The following CTNNA2 variants were observed in gnomAD, a reference collection of about 807,000 sequenced individuals.
CTNNA2 encodes catenin alpha-2.
CTNNA2 carries 42 observed loss-of-function variants against 101.0 expected under a neutral mutation model. That is an observed-to-expected ratio of 0.42 (90% CI 0.32 to 0.54). The LOEUF (loss-of-function observed/expected upper bound fraction) is 0.54. Ranked by LOEUF, CTNNA2 falls within the 20% of genes least tolerant of loss-of-function variation. The pLI, the probability that CTNNA2 is intolerant of heterozygous loss-of-function variation, is 0.14. For missense variants in CTNNA2, 871 were observed against 1,223.1 expected (o/e 0.71, Z 4.29); for synonymous variants, 450 against 456.4 (o/e 0.99, Z 0.18).
chr2:80,205,681 A>T (rs1427813801), intron 7 of CTNNA2, among the ~76,000 whole-genome samples: 1 of 152,192 alleles, frequency 6.6e-6, no homozygotes, highest in Non-Finnish European at 1.5e-5. Flanking sequence ...TTTGGTGTTA[A>T]CTTACTGCCT....
At chr2:79,528,592 C>A (rs1379900398) in intron 1 of CTNNA2, among the ~76,000 whole-genome samples, 2 of 151,986 alleles carry the variant, frequency 1.3e-5, no homozygotes, top group African/African-American at 4.8e-5. Context: ...GCAAACAAAT[C>A]AAATAATTAT....
At chr2:79,663,730 G>C (rs1244682219) in intron 2 of CTNNA2, among the ~76,000 whole-genome samples, 1 of 152,070 alleles carries the variant, frequency 6.6e-6, no homozygotes, top group Non-Finnish European at 1.5e-5. Context: ...GTATTAATGT[G>C]TATTTGTGTG....
intron 2 of CTNNA2, among the ~76,000 whole-genome samples, chr2:79,241,671 A>G (rs758033236): frequency 1.4e-4 from 21 of 152,222 alleles, no homozygotes; most frequent in Non-Finnish European, 1.6e-4. Flanking sequence ...ATATTTAAAA[A>G]GTTTCTATCC....
intron 7 of CTNNA2, among the ~76,000 whole-genome samples, chr2:80,198,291 T>C (rs1207235110): frequency 1.3e-5 from 2 of 152,154 alleles, no homozygotes; most frequent in Non-Finnish European, 2.9e-5. Context: ...GTTTGAGGTC[T>C]TTGCTCTTTC....
intron 1 of CTNNA2, among the ~76,000 whole-genome samples, chr2:79,594,750 A>G (rs73938733): frequency 0.066 from 10,005 of 152,034 alleles, 1,101 homozygotes; most frequent in African/African-American, 0.22. Context: ...TTTTTTATAT[A>G]TATCTTTAAT....
chr2:80,417,122 G>A (rs1680109582), intron 8 of CTNNA2, among the ~76,000 whole-genome samples: 2 of 151,664 alleles, frequency 1.3e-5, no homozygotes, highest in South Asian at 4.2e-4. Context: ...CAGATTGTAG[G>A]TTATTTGTTT....
intron 1 of CTNNA2, among the ~76,000 whole-genome samples, chr2:79,559,255 A>T (rs1408643292): frequency 6.6e-6 from 1 of 151,914 alleles, no homozygotes; most frequent in African/African-American, 2.4e-5. Flanking sequence ...CTTTCCTGGT[A>T]TGTGCCATTG....
intron 2 of CTNNA2, among the ~76,000 whole-genome samples, chr2:79,684,588 A>T (rs945989070): frequency 6.6e-6 from 1 of 152,228 alleles, no homozygotes. Flanking sequence ...TGTTCAATAT[A>T]TAAATCAAGA....
chr2:79,669,503 G>T (rs964202355), intron 2 of CTNNA2, among the ~76,000 whole-genome samples: 6 of 152,118 alleles, frequency 3.9e-5, no homozygotes, highest in Non-Finnish European at 4.4e-5. Context: ...GTGAAGAAGA[G>T]GTTTATTTAG....
intron 7 of CTNNA2, among the ~76,000 whole-genome samples, chr2:80,105,494 CAGA>C (rs947347066): frequency 2.6e-5 from 4 of 152,136 alleles, no homozygotes; most frequent in African/African-American, 9.7e-5. Flanking sequence ...GAGGCTGTGG[CAGA>C]AGGATTGCTT....
At chr2:79,928,881 A>C (rs1448416078) in intron 7 of CTNNA2, among the ~76,000 whole-genome samples, 1 of 152,236 alleles carries the variant, frequency 6.6e-6, no homozygotes, top group African/African-American at 2.4e-5. Context: ...TTAACTATAA[A>C]TATAACTAAA....
intron 7 of CTNNA2, among the ~76,000 whole-genome samples, chr2:80,010,161 C>T (rs1693672535): frequency 6.6e-6 from 1 of 152,182 alleles, no homozygotes; most frequent in Admixed American, 6.5e-5. Context: ...AAATATTTCT[C>T]ACCCTTCTCA....
At chr2:80,622,371 G>T (rs529289280) in intron 18 of CTNNA2, among the ~76,000 whole-genome samples, 1 of 152,002 alleles carries the variant, frequency 6.6e-6, no homozygotes, top group Admixed American at 6.6e-5. Context: ...AGTGGAAAGA[G>T]ATCATCATTT....
At chr2:80,356,586 T>G (rs1460938729) in intron 7 of CTNNA2, among the ~76,000 whole-genome samples, 4 of 151,766 alleles carry the variant, frequency 2.6e-5, no homozygotes, top group Non-Finnish European at 5.9e-5. Flanking sequence ...GGTTTGAGAG[T>G]GCAGAAATGA....
At chr2:80,484,788 C>G (rs527291225) in intron 9 of CTNNA2, among the ~76,000 whole-genome samples, 1 of 152,190 alleles carries the variant, frequency 6.6e-6, no homozygotes, top group African/African-American at 2.4e-5. Context: ...GGGCGGATCA[C>G]TAGGTCCGGA....
At chr2:79,792,913 A>G (rs1181081098) in intron 3 of CTNNA2, among the ~76,000 whole-genome samples, 3 of 152,236 alleles carry the variant, frequency 2.0e-5, no homozygotes, top group African/African-American at 7.2e-5. Flanking sequence ...TTGTAATTTT[A>G]TAAGTCATTT....
chr2:79,512,520 C>G (rs551414624), upstream of CTNNA2, among the ~76,000 whole-genome samples: 14 of 152,170 alleles, frequency 9.2e-5, no homozygotes, highest in East Asian at 2.7e-3. Context: ...ACGTGTCGGA[C>G]CCCTGCTGGG....
intron 7 of CTNNA2, among the ~76,000 whole-genome samples, chr2:79,990,243 G>A (rs1245854839): frequency 6.6e-6 from 1 of 152,140 alleles, no homozygotes; most frequent in Non-Finnish European, 1.5e-5. Context: ...CCGTCCTGAA[G>A]GTGAGCTGAG....
At chr2:80,066,145 T>G (rs1016857097) in intron 7 of CTNNA2, among the ~76,000 whole-genome samples, 1 of 152,206 alleles carries the variant, frequency 6.6e-6, no homozygotes. Flanking sequence ...AGTTGACTTG[T>G]GTAACTCAAA....
Sources: gnomAD v4.1 joint callset for allele counts (sites outside exome capture counted in the v4.1 genomes callset) on GRCh38, gnomAD v4.1.1 for gene constraint, MANE v1.5 for transcripts, NCBI Gene and HGNC (gene_info 2026-07-23, HGNC 2026-07-21) for gene names.